GRIN2A: variants seen among roughly 807,000 people sequenced by gnomAD.
The protein encoded by GRIN2A is glutamate receptor ionotropic, NMDA 2A.
Under a neutral mutation model 113.4 loss-of-function variants are expected in GRIN2A, and 22 were observed. The ratio of observed to expected loss-of-function variants is 0.19; its 90% confidence interval spans 0.14 to 0.28. The LOEUF (loss-of-function observed/expected upper bound fraction) is 0.28, where lower values mean the gene tolerates loss of function less well. GRIN2A is among the 10% of genes least tolerant of loss of function. GRIN2A has a pLI of 1.00. For missense variants in GRIN2A, 1,502 were observed against 1,887.0 expected, an observed-to-expected ratio of 0.80 and a Z score of 3.78; for synonymous variants, 827 against 738.4, an observed-to-expected ratio of 1.12 and a Z score of -1.94.
intron 2 of GRIN2A, among the ~76,000 whole-genome samples, chr16:10,164,375 C>G (rs541266749): frequency 2.6e-5 from 4 of 152,182 alleles, no homozygotes; most frequent in African/African-American, 9.7e-5. Flanking sequence ...GTCTGCGGGA[C>G]GGACCCCGCA....
chr16:10,134,312 C>T (rs2049142603), intron 2 of GRIN2A, among the ~76,000 whole-genome samples: 1 of 152,082 alleles, frequency 6.6e-6, no homozygotes, highest in Non-Finnish European at 1.5e-5. Flanking sequence ...GCTCTACCCT[C>T]TGAGTAACCA....
At chr16:9,955,481 C>T (rs1214269176) in intron 2 of GRIN2A, among the ~76,000 whole-genome samples, 1 of 152,180 alleles carries the variant, frequency 6.6e-6, no homozygotes, top group Non-Finnish European at 1.5e-5. Flanking sequence ...TAGGTTAGTG[C>T]AAAAGTAAAT....
chr16:9,755,975 C>T lies in GRIN2A; in HGVS notation c.*7174G>A, dbSNP rs1900335622. On this transcript the variant is annotated 3_prime_UTR_variant, in exon 13 of 13. Coordinates refer to ENST00000330684, the MANE Select transcript of GRIN2A (RefSeq NM_001134407.3). ...ATGCAGAAACTCTATTTCCTATTCC[C>T]TGTCCCACCTCTGAAACTCATTCCA... 4.6e-6 allele frequency: 1 copy of T among 218,646 alleles called. No individual in the cohort carries two copies. The highest frequency in any genetic ancestry group is 1.9e-4 in the South Asian group (1 of 5,394). 13.5% of individuals were successfully genotyped at this position (218,646 alleles called of 1,614,324 possible).
At chr16:9,773,180 A>AT (rs1179684113) in intron 11 of GRIN2A, among the ~76,000 whole-genome samples, 5 of 152,106 alleles carry the variant, frequency 3.3e-5, no homozygotes, top group Admixed American at 1.3e-4. Flanking sequence ...TTGAATCCAT[A>AT]TTTTCTGTTT....
chr16:9,912,877 T>C (rs1272417506), intron 3 of GRIN2A, among the ~76,000 whole-genome samples: 1 of 152,214 alleles, frequency 6.6e-6, no homozygotes, highest in Non-Finnish European at 1.5e-5. Flanking sequence ...TCAGCAAAAG[T>C]GGATGGGAGG....
intron 10 of GRIN2A, among the ~76,000 whole-genome samples, chr16:9,804,633 TC>T (rs2041929893): frequency 1.3e-5 from 2 of 151,820 alleles, no homozygotes; most frequent in African/African-American, 4.8e-5. Context: ...CTGCCTCCAC[TC>T]CCTATAGAAG....
At position 9,998,171 on chromosome 16, in the gene GRIN2A, T is replaced by C. The variant is rs566697236; in HGVS notation, c.415-59620A>G. 3.0e-4 allele frequency among the ~76,000 whole-genome samples: 46 copies of C among 152,296 alleles called. 1 individual carries two copies. The South Asian group carries it at 8.9e-3, about 30-fold the overall frequency. On this transcript the variant is annotated intron_variant, in intron 2 of 12. Coordinates refer to ENST00000330684, the MANE Select transcript of GRIN2A (RefSeq NM_001134407.3). ...GCTCTACTTTATTCTACTAGATGAATCTTTCCCATGGTGCTCATGTGTCAT... is the reference window on the plus strand; with the variant it reads ...GCTCTACTTTATTCTACTAGATGAACCTTTCCCATGGTGCTCATGTGTCAT...
chr16:10,026,499 G>GA (rs1491245219), intron 2 of GRIN2A, among the ~76,000 whole-genome samples: 2 of 73,196 alleles, frequency 2.7e-5, no homozygotes, highest in Non-Finnish European at 8.0e-5. Flanking sequence ...ATTAGAGAGA[G>GA]AAAAAAGAAA....
rs1472856865 is a variant in GRIN2A, at chr16:9,759,405, A to G, written c.*3744T>C. ...ATACACATCAGTGGTCGACATAGCAAATAGAATAAACAATGTGTGACTATA... is the reference window on the plus strand; with the variant it reads ...ATACACATCAGTGGTCGACATAGCAGATAGAATAAACAATGTGTGACTATA... On this transcript the variant is annotated 3_prime_UTR_variant, in exon 13 of 13. Coordinates refer to ENST00000330684, the MANE Select transcript of GRIN2A (RefSeq NM_001134407.3). The G allele has an allele frequency of 4.4e-6, 1 of 225,208 alleles. No homozygotes were observed. Among genetic ancestry groups the G allele is most frequent in the African/African-American group, 2.2e-5 (1 of 44,952 alleles). 14.0% of individuals were successfully genotyped at this position (225,208 alleles called of 1,614,324 possible). A position where few individuals can be genotyped will look rare whatever the true frequency, so the allele number is the denominator to read the frequency against.
At chr16:10,179,657 ACCTCT>A (rs1369256284) in intron 2 of GRIN2A, 2 of 403,166 alleles carry the variant, frequency 5.0e-6, no homozygotes, top group Non-Finnish European at 9.3e-6. Context: ...TCCTGGGCCC[ACCTCT>A]GTGCCCCATG....
rs35189803 is a variant in GRIN2A, at chr16:9,760,374, ATT to A, written c.*2773_*2774del. The A allele has an allele frequency of 6.8e-3, 632 of 93,612 alleles. No homozygotes were observed. The highest frequency in any genetic ancestry group is 0.029 in the Middle Eastern group (4 of 140). The allele number at this position is 93,612 out of a possible 1,614,324, so 5.8% of individuals were successfully genotyped here. ...AAATTGACCATCTGATCAGTAGTTG[ATT>A]TTTTTTTTTTTTTTTTTTTTTTGCT... is the stretch of plus-strand genomic sequence containing the variant. On this transcript the variant is annotated 3_prime_UTR_variant, in exon 13 of 13. Coordinates refer to ENST00000330684, the MANE Select transcript of GRIN2A (RefSeq NM_001134407.3).
chr16:10,159,731 G>A (rs1375462323), intron 2 of GRIN2A, among the ~76,000 whole-genome samples: 1 of 152,160 alleles, frequency 6.6e-6, no homozygotes, highest in East Asian at 1.9e-4. Flanking sequence ...TTATTTTATA[G>A]ATAGCTAAAT....
chr16:9,784,138 A>G (rs1902080985), intron 11 of GRIN2A, among the ~76,000 whole-genome samples: 1 of 152,186 alleles, frequency 6.6e-6, no homozygotes, highest in African/African-American at 2.4e-5. Flanking sequence ...TTTTTTAAAA[A>G]GAATTATATG....
chr16:9,928,521 G>GT (rs1021677760), intron 3 of GRIN2A, among the ~76,000 whole-genome samples: 2 of 151,976 alleles, frequency 1.3e-5, no homozygotes, highest in African/African-American at 4.8e-5. Flanking sequence ...AAAAACAGAG[G>GT]TTTTCCCCCT....
At chr16:9,825,404 T>C (rs1457760411) in intron 9 of GRIN2A, among the ~76,000 whole-genome samples, 1 of 152,076 alleles carries the variant, frequency 6.6e-6, no homozygotes, top group Non-Finnish European at 1.5e-5. Flanking sequence ...GAACAGAGGA[T>C]TATTTTCTAA....
intron 3 of GRIN2A, among the ~76,000 whole-genome samples, chr16:9,902,024 T>C (rs1184552945): frequency 1.3e-5 from 2 of 151,586 alleles, no homozygotes; most frequent in Non-Finnish European, 2.9e-5. Context: ...GTGCAGATTT[T>C]CTCATTTTAC....
chr16:9,923,642 C>T (rs900036507), intron 3 of GRIN2A, among the ~76,000 whole-genome samples: 2 of 152,010 alleles, frequency 1.3e-5, no homozygotes, highest in African/African-American at 4.8e-5. Context: ...TGGTTATCTT[C>T]AAGTGATGTT....
intron 4 of GRIN2A, among the ~76,000 whole-genome samples, chr16:9,885,101 G>A (rs895861639): frequency 6.6e-6 from 1 of 152,058 alleles, no homozygotes; most frequent in Non-Finnish European, 1.5e-5. Context: ...ATAGCCATTT[G>A]TTCCAGGGTT....
At chr16:9,950,138 C>G (rs2045142906) in intron 2 of GRIN2A, among the ~76,000 whole-genome samples, 1 of 152,164 alleles carries the variant, frequency 6.6e-6, no homozygotes, top group South Asian at 2.1e-4. Flanking sequence ...CCTTCTCTAT[C>G]AAAACCCAGG....
Sources: allele counts gnomAD v4.1 joint callset (sites outside exome capture counted in the v4.1 genomes callset), GRCh38; gene constraint gnomAD v4.1.1; transcripts MANE v1.5; gene names NCBI Gene and HGNC (gene_info 2026-07-23, HGNC 2026-07-21).